The following DPYS variants were observed in gnomAD, a reference collection of about 807,000 sequenced individuals.
DPYS encodes dihydropyrimidine amidohydrolase.
A neutral mutation model predicts 50.3 loss-of-function variants in DPYS; 39 were observed. That is an observed-to-expected ratio of 0.78 (90% CI 0.60 to 1.01). The LOEUF (loss-of-function observed/expected upper bound fraction) is 1.01, where lower values mean the gene tolerates loss of function less well. Among genes scored for constraint, DPYS ranks in the 50% least tolerant of loss-of-function variants. The probability of loss-of-function intolerance (pLI) is 0.00; values close to 1 mark genes in which losing one functional copy is unlikely to be tolerated. For synonymous variants in DPYS, 245 were observed against 250.7 expected, an observed-to-expected ratio of 0.98 and a Z score of 0.22; for missense variants, 659 against 680.9, an observed-to-expected ratio of 0.97 and a Z score of 0.36.
chr8:104,455,685 G>A (rs537005297), intron 1 of DPYS, among the ~76,000 whole-genome samples: 1 of 152,224 alleles, frequency 6.6e-6, no homozygotes, highest in Admixed American at 6.5e-5. Flanking sequence ...TGGCCGAAAT[G>A]GCCAGGGAGC....
At chr8:104,442,729 A>G (rs957511697) in intron 4 of DPYS, among the ~76,000 whole-genome samples, 3 of 152,226 alleles carry the variant, frequency 2.0e-5, no homozygotes, top group African/African-American at 7.2e-5. Flanking sequence ...CCTTAATGCA[A>G]CAAGAAGAAA....
Position 104,379,700 on chromosome 8 carries a change from G to T in DPYS, c.*158C>A. The T allele has an allele frequency of 2.4e-6, 1 of 423,618 alleles. No homozygotes were observed. The highest frequency in any genetic ancestry group is 1.8e-5 in the South Asian group (1 of 57,038). The allele number at this position is 423,618 out of a possible 1,614,324, so 26.2% of individuals were successfully genotyped here. On this transcript the variant is annotated 3_prime_UTR_variant, in exon 10 of 10. Coordinates refer to ENST00000351513, the MANE Select transcript of DPYS (RefSeq NM_001385.3). ...AAACACAGTGAGAAAGACAGCAATT[G>T]CTTCTGAAAGAAAATCAAAGAAGCC...
chr8:104,449,579 A>C (rs1290212226), intron 2 of DPYS, among the ~76,000 whole-genome samples: 3 of 152,214 alleles, frequency 2.0e-5, no homozygotes, highest in Non-Finnish European at 4.4e-5. Flanking sequence ...TTGTTTGGAA[A>C]TAGAGTCCTT....
At chr8:104,430,432 C>T (rs895342789) in intron 4 of DPYS, among the ~76,000 whole-genome samples, 1 of 151,152 alleles carries the variant, frequency 6.6e-6, no homozygotes, top group African/African-American at 2.4e-5. Context: ...AATCAGAATC[C>T]TATCTCTGAT....
In DPYS at chr8:104,425,754, G is replaced by A. The variant is rs369697411; in HGVS notation, c.1093-1365C>T. Among the ~76,000 whole-genome samples, 12 of 152,220 alleles carry A rather than the reference G, an allele frequency of 7.9e-5. 1 individual carries two copies. The highest frequency in any genetic ancestry group is 2.9e-4 in the African/African-American group (12 of 41,548). On this transcript the variant is annotated intron_variant, in intron 6 of 9. Coordinates refer to ENST00000351513, the MANE Select transcript of DPYS (RefSeq NM_001385.3). ...ATGTGGACAGAATTCAGAGGGGTGTGGCTCCTCTAAAATAAAATTGGAAAG... is the reference window on the plus strand; with the variant it reads ...ATGTGGACAGAATTCAGAGGGGTGTAGCTCCTCTAAAATAAAATTGGAAAG...
intron 9 of DPYS, chr8:104,380,461 G>A (rs368417852): frequency 2.0e-5 from 3 of 152,776 alleles, no homozygotes; most frequent in African/African-American, 7.2e-5. Context: ...ATTTCATGAA[G>A]TCAGTGGAAG....
intron 7 of DPYS, among the ~76,000 whole-genome samples, chr8:104,412,915 G>A (rs1420720654): frequency 6.6e-6 from 1 of 152,122 alleles, no homozygotes; most frequent in East Asian, 1.9e-4. Flanking sequence ...GGTTTGTAAT[G>A]GCTGAATAAA....
intron 1 of DPYS, among the ~76,000 whole-genome samples, chr8:104,456,713 A>G (rs1185047996): frequency 6.6e-6 from 1 of 152,208 alleles, no homozygotes; most frequent in African/African-American, 2.4e-5. Flanking sequence ...TTAGCCAAAC[A>G]AAATGGATTT....
At chr8:104,385,786 C>A (rs746986715) in intron 8 of DPYS, among the ~76,000 whole-genome samples, 3 of 152,186 alleles carry the variant, frequency 2.0e-5, no homozygotes, top group Non-Finnish European at 4.4e-5. Context: ...GGCTCTCTCC[C>A]TTCTTCTCTC....
chr8:104,438,390 C>T (rs1033588886), intron 4 of DPYS, among the ~76,000 whole-genome samples: 5 of 152,012 alleles, frequency 3.3e-5, no homozygotes, highest in Non-Finnish European at 5.9e-5. Context: ...TCAGGAGAAA[C>T]GAGAAACTTT....
At chr8:104,407,056 G>A (rs577905645) in intron 7 of DPYS, among the ~76,000 whole-genome samples, 1 of 152,338 alleles carries the variant, frequency 6.6e-6, no homozygotes, top group Non-Finnish European at 1.5e-5. Context: ...ATGCTAATAA[G>A]GAAAAGTATT....
intron 7 of DPYS, among the ~76,000 whole-genome samples, chr8:104,417,389 T>C (rs1198703083): frequency 6.6e-6 from 1 of 152,200 alleles, no homozygotes; most frequent in African/African-American, 2.4e-5. Flanking sequence ...GTAACTGACA[T>C]GTCACTCTCT....
At chr8:104,383,429 C>T (rs1356979338) in intron 8 of DPYS, among the ~76,000 whole-genome samples, 1 of 152,128 alleles carries the variant, frequency 6.6e-6, no homozygotes, top group African/African-American at 2.4e-5. Context: ...TCTCTTTCTT[C>T]ATAACAAGCA....
At chr8:104,396,759 G>A (rs534076527) in intron 7 of DPYS, among the ~76,000 whole-genome samples, 1 of 149,744 alleles carries the variant, frequency 6.7e-6, no homozygotes, top group South Asian at 2.1e-4. Context: ...TTTCCTTGAT[G>A]TAAGTTGTGA....
In DPYS at chr8:104,429,396, C is replaced by T. The variant is rs1454534652; in HGVS notation, c.950+149G>A. On this transcript the variant is annotated intron_variant, in intron 5 of 9. Transcript: ENST00000351513. ...AGCATAATTAAGTCAATGTTTTTTGCTCTGCAGGTGAGGGGTACCCAGGAC... is the reference window on the plus strand; with the variant it reads ...AGCATAATTAAGTCAATGTTTTTTGTTCTGCAGGTGAGGGGTACCCAGGAC... 6 of 870,802 alleles carry T rather than the reference C, an allele frequency of 6.9e-6. No homozygotes were observed. The East Asian group carries it at 1.0e-4, about 15-fold the overall frequency. 53.9% of individuals were successfully genotyped at this position (870,802 alleles called of 1,614,324 possible).
At chr8:104,431,685 G>C (rs1236005192) in intron 4 of DPYS, among the ~76,000 whole-genome samples, 1 of 152,030 alleles carries the variant, frequency 6.6e-6, no homozygotes, top group Non-Finnish European at 1.5e-5. Context: ...GCTAACACAT[G>C]CATACCATTC....
chr8:104,380,759 T>C (rs965462107), intron 9 of DPYS: 7 of 169,204 alleles, frequency 4.1e-5, no homozygotes, highest in East Asian at 1.5e-4. Context: ...CAACATTTTA[T>C]TCATTTTTCA....
chr8:104,448,714 T>C (rs1479780517), intron 2 of DPYS, among the ~76,000 whole-genome samples: 4 of 152,074 alleles, frequency 2.6e-5, no homozygotes, highest in African/African-American at 9.7e-5. Flanking sequence ...CATGGAGTAA[T>C]AAATGACTAA....
At chr8:104,429,384 C>T in intron 5 of DPYS, 161 bp downstream of exon 5, 2 of 753,172 alleles carry the variant, frequency 2.7e-6, no homozygotes, top group Non-Finnish European at 2.2e-6. Context: ...ATAATTAAGT[C>T]AATGTTTTTT....
Sources: allele counts gnomAD v4.1 joint callset (sites outside exome capture counted in the v4.1 genomes callset), GRCh38; gene constraint gnomAD v4.1.1; transcripts MANE v1.5; gene names NCBI Gene and HGNC (gene_info 2026-07-23, HGNC 2026-07-21).